IL1RAPL2: variants seen among roughly 807,000 people sequenced by gnomAD.
IL1RAPL2 encodes the protein interleukin 1 receptor accessory protein like 2.
A neutral mutation model predicts 44.1 loss-of-function variants in IL1RAPL2; 3 were observed. That is an observed-to-expected ratio of 0.07 (90% CI 0.03 to 0.18). IL1RAPL2 has a LOEUF of 0.18. Ranked by LOEUF, IL1RAPL2 falls within the 10% of genes least tolerant of loss-of-function variation. IL1RAPL2 has a pLI of 1.00. For synonymous variants in IL1RAPL2, 181 were observed against 178.8 expected (o/e 1.01, Z -0.10); for missense variants, 391 against 496.4 (o/e 0.79, Z 2.02).
chrX:105,377,378 GTGTGTGTGTGTGTGTGTA>G (rs2035395951), intron 5 of IL1RAPL2, among the ~76,000 whole-genome samples: 1 of 109,465 alleles, frequency 9.1e-6, no homozygotes, highest in African/African-American at 3.3e-5. Context: ...GTCTGTGTGT[GTGTGTGTGTGTGTGTGTA>G]TGTGTGTGTG....
At chrX:105,250,504 C>T (rs375268754) in intron 4 of IL1RAPL2, among the ~76,000 whole-genome samples, 1 of 109,633 alleles carries the variant, frequency 9.1e-6, no homozygotes, top group East Asian at 2.9e-4. Flanking sequence ...ATGTGGAAAC[C>T]CTGTACTTTC....
At chrX:104,845,944 CTT>C (rs1922039360) in intron 2 of IL1RAPL2, among the ~76,000 whole-genome samples, 1 of 111,537 alleles carries the variant, frequency 9.0e-6, no homozygotes, top group South Asian at 3.8e-4. Context: ...TGTCAAAACT[CTT>C]TTAGCCATAT....
chrX:105,660,064 G>T (rs1438104118), intron 6 of IL1RAPL2, among the ~76,000 whole-genome samples: 4 of 111,114 alleles, frequency 3.6e-5, no homozygotes, highest in Non-Finnish European at 5.7e-5. Context: ...ACCCAAAGAA[G>T]ACACCTCAAG....
intron 1 of IL1RAPL2, among the ~76,000 whole-genome samples, chrX:104,605,053 A>G (rs777282143): frequency 8.9e-6 from 1 of 111,990 alleles, no homozygotes; most frequent in South Asian, 3.7e-4. Flanking sequence ...TCAAAAACTG[A>G]CTGCATAATT....
At chrX:105,499,764 A>T (rs1431949244) in intron 6 of IL1RAPL2, among the ~76,000 whole-genome samples, 1 of 112,060 alleles carries the variant, frequency 8.9e-6, no homozygotes, top group East Asian at 2.8e-4. Flanking sequence ...AAGCGCTGGT[A>T]AGGATATGGC....
At chrX:104,768,269 C>T (rs187939855) in intron 2 of IL1RAPL2, among the ~76,000 whole-genome samples, 1 of 111,302 alleles carries the variant, frequency 9.0e-6, no homozygotes, top group East Asian at 2.9e-4. Flanking sequence ...TTGAGAAAAG[C>T]ATGTGTGATT....
At chrX:105,406,468 T>C in intron 5 of IL1RAPL2, 2 of 1,198,407 alleles carry the variant, frequency 1.7e-6, no homozygotes, top group Non-Finnish European at 2.3e-6. Context: ...CGGAGGATCA[T>C]TCACCAATAT....
chrX:105,180,153 A>G (rs1602994900), intron 2 of IL1RAPL2, among the ~76,000 whole-genome samples: 1 of 109,790 alleles, frequency 9.1e-6, no homozygotes, highest in East Asian at 2.9e-4. Context: ...TGTGGCCAAC[A>G]TGGTGAAACC....
At chrX:105,748,279 G>C (rs183938975) in intron 8 of IL1RAPL2, among the ~76,000 whole-genome samples, 1 of 112,220 alleles carries the variant, frequency 8.9e-6, no homozygotes, top group Non-Finnish European at 1.9e-5. Context: ...CTGCTATCAG[G>C]TAGGCTGGTG....
At chrX:105,076,781 C>G (rs1272392009) in intron 2 of IL1RAPL2, among the ~76,000 whole-genome samples, 1 of 111,192 alleles carries the variant, frequency 9.0e-6, no homozygotes, top group Non-Finnish European at 1.9e-5. Flanking sequence ...TGAATTGATC[C>G]CTTTACCATT....
intron 5 of IL1RAPL2, among the ~76,000 whole-genome samples, chrX:105,467,541 C>G (rs1438777165): frequency 9.0e-6 from 1 of 111,571 alleles, no homozygotes; most frequent in African/African-American, 3.2e-5. Flanking sequence ...CAAACATACA[C>G]GTATTGATTC....
At position 104,807,628 on chromosome X, in the gene IL1RAPL2, C is replaced by T. The variant is rs749359854; in HGVS notation, c.82+148633C>T. On this transcript the variant is annotated intron_variant, in intron 2 of 10. Coordinates refer to ENST00000372582, the MANE Select transcript of IL1RAPL2 (RefSeq NM_017416.2). ...CCACCATCAGTCTCAACCCCCCAGACGATCACGGTTAACTCTTCATCATGC... is the reference window on the plus strand; with the variant it reads ...CCACCATCAGTCTCAACCCCCCAGATGATCACGGTTAACTCTTCATCATGC... Among the ~76,000 whole-genome samples, 8 of 111,700 alleles carry T rather than the reference C, an allele frequency of 7.2e-5. No homozygotes were observed. The South Asian group carries it at 1.5e-3, about 21-fold the overall frequency.
At chrX:104,926,241 C>G (rs1219931180) in intron 2 of IL1RAPL2, among the ~76,000 whole-genome samples, 4 of 112,111 alleles carry the variant, frequency 3.6e-5, no homozygotes, top group Non-Finnish European at 7.5e-5. Flanking sequence ...AACCTGCAAA[C>G]ATTACAAGAA....
At chrX:104,968,979 C>CTCTGTGTGTG (rs2030180288) in intron 2 of IL1RAPL2, among the ~76,000 whole-genome samples, 1 of 82,050 alleles carries the variant, frequency 1.2e-5, no homozygotes, top group African/African-American at 4.6e-5. Flanking sequence ...TTGCCTTTTG[C>CTCTGTGTGTG]TGTGTGTGTG....
chrX:104,801,987 C>A (rs1442407742), intron 2 of IL1RAPL2, among the ~76,000 whole-genome samples: 1 of 111,460 alleles, frequency 9.0e-6, no homozygotes, highest in African/African-American at 3.3e-5. Context: ...TTCCTACCAT[C>A]CCTTAATAAG....
intron 4 of IL1RAPL2, among the ~76,000 whole-genome samples, chrX:105,257,589 A>G (rs2034325681): frequency 8.9e-6 from 1 of 112,180 alleles, no homozygotes; most frequent in Non-Finnish European, 1.9e-5. Flanking sequence ...GTAGGTCTCT[A>G]AGAACTTGCT....
At chrX:105,219,546 A>G (rs781915068) in intron 3 of IL1RAPL2, 49 of 1,206,581 alleles carry the variant, frequency 4.1e-5, no homozygotes, top group African/African-American at 1.4e-4. Flanking sequence ...GGGCAGCCCC[A>G]GCCTCCACAG....
chrX:105,491,441 A>G (rs1859284558), intron 6 of IL1RAPL2, among the ~76,000 whole-genome samples: 1 of 111,828 alleles, frequency 8.9e-6, no homozygotes, highest in South Asian at 3.7e-4. Context: ...TTTTTATATC[A>G]TATTCTTACC....
intron 6 of IL1RAPL2, among the ~76,000 whole-genome samples, chrX:105,510,833 T>C (rs1023390700): frequency 9.0e-6 from 1 of 111,373 alleles, no homozygotes; most frequent in Non-Finnish European, 1.9e-5. Context: ...AGGGATACAG[T>C]CCTGCCAACA....
Sources: gnomAD v4.1 joint callset for allele counts (sites outside exome capture counted in the v4.1 genomes callset) on GRCh38, gnomAD v4.1.1 for gene constraint, MANE v1.5 for transcripts, NCBI Gene and HGNC (gene_info 2026-07-23, HGNC 2026-07-21) for gene names.